RBFOX3: variants seen among roughly 807,000 people sequenced by gnomAD.
RBFOX3 encodes the protein RNA binding protein fox-1 homolog 3.
A neutral mutation model predicts 48.7 loss-of-function variants in RBFOX3; 17 were observed. That is an observed-to-expected ratio of 0.35 (90% CI 0.24 to 0.52). The LOEUF is 0.52. Ranked by LOEUF, RBFOX3 falls within the 20% of genes least tolerant of loss-of-function variation. The pLI is 0.94. For missense variants in RBFOX3, 382 were observed against 497.5 expected (o/e 0.77, Z 2.21); for synonymous variants, 212 against 209.5 (o/e 1.01, Z -0.10).
intron 5 of RBFOX3, among the ~76,000 whole-genome samples, chr17:79,112,977 C>A (rs923959152): frequency 6.8e-6 from 1 of 147,584 alleles, no homozygotes; most frequent in Non-Finnish European, 1.5e-5. Context: ...GGTGGCTGCA[C>A]ACGGGCCCTC....
In RBFOX3 at chr17:79,482,465, A is replaced by T. The variant is rs1251280086; in HGVS notation, c.-186T>A. The T allele has an allele frequency of 6.6e-6, 1 of 152,144 alleles. No homozygotes were observed. The highest frequency in any genetic ancestry group is 1.5e-5 in the Non-Finnish European group (1 of 68,012). 9.4% of individuals were successfully genotyped at this position (152,144 alleles called of 1,614,324 possible). Reference sequence around the variant, plus strand: ...TGGGGCCGCCTTACCTGGTAGTGGGAGGTGAGGTCTGCTTTGCTGAGCGGG... The same window carrying T: ...TGGGGCCGCCTTACCTGGTAGTGGGTGGTGAGGTCTGCTTTGCTGAGCGGG... On this transcript the variant is annotated 5_prime_UTR_variant, in exon 2 of 15. Coordinates refer to ENST00000693108, the MANE Select transcript of RBFOX3 (RefSeq NM_001350451.2). The surrounding 1 kb of genome is among the most constrained non-coding windows in gnomAD (Gnocchi z 4.1).
rs2081032282 is a variant in RBFOX3 at position 79,493,704 on chromosome 17, T to G, written c.-319-11106A>C. Among the ~76,000 whole-genome samples the G allele has an allele frequency of 4.8e-4, 73 of 152,366 alleles. 1 individual carries two copies. Among genetic ancestry groups the G allele is most frequent in the Non-Finnish European group, 1.5e-5 (1 of 68,038 alleles). On this transcript the variant is annotated intron_variant, in intron 1 of 14. Transcript: ENST00000693108. ...TGACCTATGAAGGCTGGGAAATATC[T>G]GTTTCATTCACTACCATAAACCAAG...
Position 79,243,529 on chromosome 17 carries a change from T to C in RBFOX3, c.-73-7724A>G, listed in dbSNP as rs1372869448. ...GTGGAGTCGACCACAGTCAATTGCT[T>C]GGGTGATATATTAGAGGTTCTGTCT... On this transcript the variant is annotated intron_variant, in intron 3 of 14. Transcript: ENST00000693108. The surrounding 1 kb of genome is among the most constrained non-coding windows in gnomAD (Gnocchi z 7.9). 6.6e-6 allele frequency among the ~76,000 whole-genome samples: 1 copy of C among 152,042 alleles called. No homozygotes were observed. Among genetic ancestry groups the C allele is most frequent in the Non-Finnish European group, 1.5e-5 (1 of 68,002 alleles).
intron 2 of RBFOX3, among the ~76,000 whole-genome samples, chr17:79,433,966 C>T (rs2068931238): frequency 6.6e-6 from 1 of 152,180 alleles, no homozygotes; most frequent in Admixed American, 6.5e-5. Context: ...GAACTCACGG[C>T]TAACAGCACT....
intron 1 of RBFOX3, among the ~76,000 whole-genome samples, chr17:79,490,429 T>C (rs2080319682): frequency 6.6e-6 from 1 of 152,140 alleles, no homozygotes; most frequent in Non-Finnish European, 1.5e-5. Flanking sequence ...TGACCCGGGT[T>C]CAGTGGGGCT....
intron 2 of RBFOX3, among the ~76,000 whole-genome samples, chr17:79,313,603 G>C (rs978526484): frequency 6.6e-6 from 1 of 152,170 alleles, no homozygotes; most frequent in Non-Finnish European, 1.5e-5. Flanking sequence ...AGAGATGGGC[G>C]GGGCGGGACC....
chr17:79,455,583 GCA>G (rs144186260), intron 2 of RBFOX3, among the ~76,000 whole-genome samples: 253 of 152,098 alleles, frequency 1.7e-3, no homozygotes, highest in African/African-American at 4.3e-3. Flanking sequence ...ACGGGTGTGT[GCA>G]CACACACACA....
intron 2 of RBFOX3, among the ~76,000 whole-genome samples, chr17:79,316,008 A>G (rs1281845382): frequency 1.3e-5 from 2 of 152,152 alleles, no homozygotes; most frequent in African/African-American, 4.8e-5. Flanking sequence ...TTCATTCCCT[A>G]TTAGTTCCCC....
chr17:79,130,670 A>G (rs1795957), intron 4 of RBFOX3, among the ~76,000 whole-genome samples: 103,582 of 152,282 alleles, frequency 0.68, 36,324 homozygotes, highest in African/African-American at 0.73. Flanking sequence ...AGGCCTCGGC[A>G]TGCAGCCTGC....
intron 9 of RBFOX3, chr17:79,098,986 G>A (rs1199718104): frequency 6.6e-6 from 1 of 152,266 alleles, no homozygotes; most frequent in Non-Finnish European, 1.5e-5. Context: ...GGAGGGTCGG[G>A]GTATGTTCCT....
chr17:79,455,109 G>A (rs1248759364), intron 2 of RBFOX3, among the ~76,000 whole-genome samples: 2 of 151,980 alleles, frequency 1.3e-5, no homozygotes, highest in African/African-American at 4.8e-5. Context: ...TCCACGGGGT[G>A]TGCACAGGCC....
Position 79,119,800 on chromosome 17 carries a change from G to A in RBFOX3, c.-33-4052C>T, listed in dbSNP as rs995045651. On this transcript the variant is annotated intron_variant, in intron 4 of 14. Transcript: ENST00000693108. ...CTGGTGTGGCTGTGGTCCTGCAAGCGGCTCTCAGAGCTGGCTACACATCCC... is the reference window on the plus strand; with the variant it reads ...CTGGTGTGGCTGTGGTCCTGCAAGCAGCTCTCAGAGCTGGCTACACATCCC... Among the ~76,000 whole-genome samples, 6 of 152,258 alleles carry A rather than the reference G, an allele frequency of 3.9e-5. No individual in the cohort carries two copies. In the South Asian group the frequency reaches 6.2e-4, roughly 16 times the overall value.
intron 2 of RBFOX3, among the ~76,000 whole-genome samples, chr17:79,457,217 G>A (rs1023423304): frequency 5.9e-5 from 9 of 152,210 alleles, no homozygotes; most frequent in African/African-American, 1.9e-4. Context: ...AATATTTCAG[G>A]GTTGATGGTC....
intron 2 of RBFOX3, among the ~76,000 whole-genome samples, chr17:79,354,649 G>A (rs1295287403): frequency 9.9e-5 from 15 of 152,278 alleles, no homozygotes; most frequent in East Asian, 1.9e-4. Flanking sequence ...CGCGTTCAGC[G>A]CAAGCCAGGT....
chr17:79,394,402 C>T (rs987858590), intron 2 of RBFOX3, among the ~76,000 whole-genome samples: 5 of 152,154 alleles, frequency 3.3e-5, no homozygotes, highest in Non-Finnish European at 7.3e-5. Context: ...TCTCCAGGGC[C>T]CTCTGAGTGC....
At chr17:79,393,980 A>T (rs2061680847) in intron 2 of RBFOX3, among the ~76,000 whole-genome samples, 1 of 151,424 alleles carries the variant, frequency 6.6e-6, no homozygotes. Flanking sequence ...CGTCTGAGCC[A>T]GTCATGCACA....
At chr17:79,605,244 C>A (rs1341692918) in intron 1 of RBFOX3, among the ~76,000 whole-genome samples, 1 of 152,170 alleles carries the variant, frequency 6.6e-6, no homozygotes, top group Non-Finnish European at 1.5e-5. Flanking sequence ...CCTTGGCACA[C>A]AGGATTCTCC....
the RBFOX3 span, among the ~76,000 whole-genome samples, chr17:79,661,904 T>A: frequency 1.1e-4 from 17 of 152,294 alleles, no homozygotes; most frequent in African/African-American, 3.8e-4. Context: ...TGGTGACATA[T>A]GTTGCCAATA....
chr17:79,475,751 G>T (rs2077646204), intron 2 of RBFOX3, among the ~76,000 whole-genome samples: 1 of 152,192 alleles, frequency 6.6e-6, no homozygotes, highest in Non-Finnish European at 1.5e-5. Flanking sequence ...GGGTGGGGTT[G>T]CCTCATGATG....
Sources: gnomAD v4.1 joint callset for allele counts (sites outside exome capture counted in the v4.1 genomes callset) on GRCh38, gnomAD v4.1.1 for gene constraint, Gnocchi (gnomAD v3.1) non-coding constraint, MANE v1.5 for transcripts, NCBI Gene and HGNC (gene_info 2026-07-23, HGNC 2026-07-21) for gene names.